The following SHROOM2 variants were observed in gnomAD, a reference collection of about 807,000 sequenced individuals.
SHROOM2 encodes protein Shroom2.
Under a neutral mutation model 75.9 loss-of-function variants are expected in SHROOM2, and 33 were observed. The observed-to-expected ratio is 0.43, with a 90% CI of 0.33 to 0.58. The LOEUF (loss-of-function observed/expected upper bound fraction) is 0.58, where lower values mean the gene tolerates loss of function less well. Among genes scored for constraint, SHROOM2 ranks in the 20% least tolerant of loss-of-function variants. SHROOM2 has a pLI of 0.04. For missense variants in SHROOM2, 1,434 were observed against 1,461.2 expected, an observed-to-expected ratio of 0.98 and a Z score of 0.30; for synonymous variants, 655 against 663.6, an observed-to-expected ratio of 0.99 and a Z score of 0.20.
At chrX:9,844,778 G>A (rs140658589) in intron 1 of SHROOM2, among the ~76,000 whole-genome samples, 1,122 of 111,339 alleles carry the variant, frequency 0.01, 8 homozygotes, top group Non-Finnish European at 0.016. Context: ...TCGTGCCATT[G>A]CACTCCAGCC....
intron 1 of SHROOM2, among the ~76,000 whole-genome samples, chrX:9,795,090 T>C (rs1314539318): frequency 1.4e-5 from 1 of 72,976 alleles, no homozygotes; most frequent in African/African-American, 4.6e-5. Flanking sequence ...TTCCCTCTCA[T>C]TTTTCTTTTT....
Position 9,896,165 on chromosome X carries a change from C to T in SHROOM2, c.2257C>T (p.Arg753Trp), listed in dbSNP as rs753890467. 7 of 1,208,469 alleles carry T rather than the reference C, an allele frequency of 5.8e-6. No homozygotes were observed. The highest frequency in any genetic ancestry group is 5.3e-5 in the South Asian group (3 of 56,536). The change falls in exon 4 of 10, where the codon CGG becomes TGG. Residue 753 changes from arginine (R) to tryptophan (W), a missense_variant. By Grantham distance (101) the Arg-to-Trp change is moderately radical (BLOSUM62 -3). Transcript: ENST00000380913. ...CCCGCCCCGCATCGGAGGCCGGAGA[C>T]GGTTCACAGCTGAGCAGAAATTGAA... ...PHPPRIGGRR[R>W]FTAEQKLKSY...
intron 1 of SHROOM2, among the ~76,000 whole-genome samples, chrX:9,867,310 G>C (rs1045609959): frequency 8.1e-5 from 9 of 111,427 alleles, no homozygotes; most frequent in African/African-American, 2.6e-4. Flanking sequence ...TGGACTTGGT[G>C]CTTTGGGTCT....
chrX:9,823,167 C>CTT (rs1340003098), intron 1 of SHROOM2, among the ~76,000 whole-genome samples: 5,647 of 26,793 alleles, frequency 0.21, 935 homozygotes, highest in East Asian at 0.42. Context: ...TTCTTCTTTT[C>CTT]TTCTTCTTCT....
chrX:9,932,910 T>G, intron 6 of SHROOM2, 40 bp downstream of exon 6: 1 of 1,094,513 alleles, frequency 9.1e-7, no homozygotes, highest in Non-Finnish European at 1.2e-6. Context: ...ATGAGGCTCC[T>G]AATGTGGGAC....
At position 9,934,233 on chromosome X, in the gene SHROOM2, G is replaced by A. The variant is rs1338474008; in HGVS notation, c.3587+1363G>A. Among the ~76,000 whole-genome samples, 5 of 111,934 alleles carry A rather than the reference G, an allele frequency of 4.5e-5. No homozygotes were observed. The Admixed American group carries it at 4.7e-4, about 11-fold the overall frequency. On this transcript the variant is annotated intron_variant, in intron 6 of 9. Transcript: ENST00000380913. ...ACACCAGGTGTGGCGGGTGGCTGCC[G>A]TCCTGGACAGGACAGATAACAGGTA...
In SHROOM2 at chrX:9,937,367, A is replaced by C. The variant is rs1177971377; in HGVS notation, c.3821A>C (p.His1274Pro). ...TRQGAEPEAPHRAQPAEPQPL... is the reference protein window; with the variant it reads ...TRQGAEPEAPPRAQPAEPQPL... ...CAGGGTGCTGAGCCCGAGGCCCCACATAGGGCCCAGCCGGCTGAGCCCCAG... is the reference window on the plus strand; with the variant it reads ...CAGGGTGCTGAGCCCGAGGCCCCACCTAGGGCCCAGCCGGCTGAGCCCCAG... Residue 1274 changes from histidine (H) to proline (P), a missense_variant, in exon 7 of 10, where the codon CAT becomes CCT. His to Pro is a moderately conservative substitution (Grantham distance 77). Coordinates refer to ENST00000380913, the MANE Select transcript of SHROOM2 (RefSeq NM_001649.4). 5 of 1,204,882 alleles carry C rather than the reference A, an allele frequency of 4.1e-6. No individual in the cohort carries two copies. Among genetic ancestry groups the C allele is most frequent in the Non-Finnish European group, 5.6e-6 (5 of 892,175 alleles).
intron 1 of SHROOM2, among the ~76,000 whole-genome samples, chrX:9,841,532 T>G (rs2083979492): frequency 9.0e-6 from 1 of 111,486 alleles, no homozygotes; most frequent in African/African-American, 3.3e-5. Flanking sequence ...GTAGCTTTTG[T>G]TTTTGCTGCA....
rs748749729 is a variant in SHROOM2 at position 9,821,093 on chromosome X, C to T, written c.165+34383C>T. Among the ~76,000 whole-genome samples, 54 of 111,677 alleles carry T rather than the reference C, an allele frequency of 4.8e-4. 1 individual carries two copies. The highest frequency in any genetic ancestry group is 1.8e-3 in the African/African-American group (54 of 30,743). ...CTTGGTAGGGATGAAAATTCTTGGA[C>T]CCCACTCTAGACCTACCGAACCCCA... On this transcript the variant is annotated intron_variant, in intron 1 of 9. Transcript: ENST00000380913.
intron 1 of SHROOM2, among the ~76,000 whole-genome samples, chrX:9,861,058 GT>G (rs1169043828): frequency 2.7e-5 from 3 of 112,296 alleles, no homozygotes; most frequent in African/African-American, 9.7e-5. Context: ...TACTGTTGTG[GT>G]TTTGCAAGTT....
intron 1 of SHROOM2, among the ~76,000 whole-genome samples, chrX:9,818,014 A>T (rs1362264608): frequency 8.9e-6 from 1 of 112,331 alleles, no homozygotes; most frequent in Non-Finnish European, 1.9e-5. Context: ...TCAAAAAGAA[A>T]CATGCTATAA....
At chrX:9,942,960 G>A (rs1037794616) in intron 8 of SHROOM2, among the ~76,000 whole-genome samples, 2 of 110,964 alleles carry the variant, frequency 1.8e-5, no homozygotes, top group Admixed American at 9.6e-5. Context: ...CATTCAAGGC[G>A]GTGGAGGATT....
chrX:9,856,891 G>T (rs926385017), intron 1 of SHROOM2, among the ~76,000 whole-genome samples: 1 of 112,411 alleles, frequency 8.9e-6, no homozygotes, highest in East Asian at 2.8e-4. Context: ...TCCCCCATCC[G>T]CTGGGACCGC....
At chrX:9,933,322 T>C (rs1200010582) in intron 6 of SHROOM2, among the ~76,000 whole-genome samples, 4 of 110,359 alleles carry the variant, frequency 3.6e-5, no homozygotes, top group African/African-American at 1.3e-4. Flanking sequence ...TTTTTCCAGA[T>C]TTTTTTTTAA....
chrX:9,914,753 TG>T (rs1200653869), intron 5 of SHROOM2, among the ~76,000 whole-genome samples: 3 of 112,151 alleles, frequency 2.7e-5, no homozygotes, highest in Non-Finnish European at 5.6e-5. Context: ...TAAAGCAAAC[TG>T]GGGGCGGGGT....
chrX:9,812,924 A>T (rs2083799606), intron 1 of SHROOM2, among the ~76,000 whole-genome samples: 2 of 112,375 alleles, frequency 1.8e-5, no homozygotes. Flanking sequence ...CAGTGAAACC[A>T]CATCTGGTAC....
At chrX:9,860,294 TC>T (rs1343611161) in intron 1 of SHROOM2, among the ~76,000 whole-genome samples, 1 of 112,192 alleles carries the variant, frequency 8.9e-6, no homozygotes, top group African/African-American at 3.2e-5. Flanking sequence ...CCATGTTTTA[TC>T]TATTGGACAT....
chrX:9,910,384 A>AT (rs1471982813), intron 5 of SHROOM2, among the ~76,000 whole-genome samples: 1 of 111,290 alleles, frequency 9.0e-6, no homozygotes, highest in African/African-American at 3.3e-5. Context: ...GGCTGTTGCA[A>AT]TTTTTTAGTA....
chrX:9,809,375 A>T (rs1446016978), intron 1 of SHROOM2, among the ~76,000 whole-genome samples: 2 of 111,049 alleles, frequency 1.8e-5, no homozygotes, highest in Non-Finnish European at 3.8e-5. Context: ...TTGAGGGCAG[A>T]TCTGCCTTCC....
Sources: gnomAD v4.1 joint callset for allele counts (sites outside exome capture counted in the v4.1 genomes callset) on GRCh38, gnomAD v4.1.1 for gene constraint, MANE v1.5 for transcripts, NCBI Gene and HGNC (gene_info 2026-07-23, HGNC 2026-07-21) for gene names.